The following GAREM1 variants were observed in gnomAD, a reference collection of about 807,000 sequenced individuals.
The protein encoded by GAREM1 is GRB2-associated and regulator of MAPK protein 1.
A neutral mutation model predicts 71.3 loss-of-function variants in GAREM1; 26 were observed. The observed-to-expected ratio is 0.36, with a 90% CI of 0.27 to 0.51. The LOEUF is 0.51. Among genes scored for constraint, GAREM1 ranks in the 20% least tolerant of loss-of-function variants. GAREM1 has a pLI of 0.95. For missense variants in GAREM1, 1,026 were observed against 1,103.1 expected, an observed-to-expected ratio of 0.93 and a Z score of 0.99; for synonymous variants, 440 against 433.2, an observed-to-expected ratio of 1.02 and a Z score of -0.20.
intron 1 of GAREM1, among the ~76,000 whole-genome samples, chr18:32,448,946 A>G (rs2048808405): frequency 6.6e-6 from 1 of 152,184 alleles, no homozygotes; most frequent in Non-Finnish European, 1.5e-5. Context: ...ATTTTTGCTT[A>G]CAGTGGTTCA....
At chr18:32,418,308 C>T (rs2048484064) in intron 1 of GAREM1, among the ~76,000 whole-genome samples, 1 of 152,096 alleles carries the variant, frequency 6.6e-6, no homozygotes, top group African/African-American at 2.4e-5. Context: ...CTCAGATGTC[C>T]ATGGTGTCAA....
chr18:32,337,147 A>G (rs1313041051), intron 2 of GAREM1, among the ~76,000 whole-genome samples: 1 of 152,244 alleles, frequency 6.6e-6, no homozygotes, highest in African/African-American at 2.4e-5. Flanking sequence ...GCACCTGTAT[A>G]TTCAAGGCAC....
At chr18:32,270,518 G>A (rs983332946) in intron 4 of GAREM1, 135 bp from the exon 5 acceptor site, 5 of 685,660 alleles carry the variant, frequency 7.3e-6, no homozygotes, top group African/African-American at 1.8e-5. Flanking sequence ...AGAGAAGATT[G>A]AAGTAAACAA....
chr18:32,359,694 G>C (rs1313702098), intron 2 of GAREM1, among the ~76,000 whole-genome samples: 2 of 152,122 alleles, frequency 1.3e-5, no homozygotes, highest in Admixed American at 6.5e-5. Flanking sequence ...TAGCACTTTG[G>C]GGGGCTGAGG....
intron 1 of GAREM1, among the ~76,000 whole-genome samples, chr18:32,423,702 A>T (rs1366719863): frequency 6.6e-6 from 1 of 152,248 alleles, no homozygotes; most frequent in Non-Finnish European, 1.5e-5. Flanking sequence ...AGTGAGGCGC[A>T]GAATCTTTAA....
chr18:32,283,852 A>C lies in GAREM1; in HGVS notation c.1566+3179T>G, dbSNP rs367658980. On this transcript the variant is annotated intron_variant, in intron 4 of 5. Transcript: ENST00000269209. ...CTGCAGCACAACTTGGGAGGAAGAC[A>C]CCCTTTCTTTGACTGCCATGGCACC... is the stretch of plus-strand genomic sequence containing the variant. Among the ~76,000 whole-genome samples, 70 of 152,202 alleles carry C rather than the reference A, an allele frequency of 4.6e-4. 1 individual carries two copies. Among genetic ancestry groups the C allele is most frequent in the African/African-American group, 1.6e-3 (66 of 41,548 alleles).
intron 2 of GAREM1, among the ~76,000 whole-genome samples, chr18:32,322,915 T>G (rs1300813873): frequency 1.3e-5 from 2 of 152,248 alleles, no homozygotes; most frequent in African/African-American, 2.4e-5. Context: ...GCTTCTCTGA[T>G]AGCTGAGTTT....
At chr18:32,344,832 C>T (rs559686907) in intron 2 of GAREM1, among the ~76,000 whole-genome samples, 220 of 152,206 alleles carry the variant, frequency 1.4e-3, no homozygotes, top group Non-Finnish European at 2.4e-3. Flanking sequence ...GAGGCCAAGG[C>T]GGGCAGAACA....
chr18:32,357,679 A>ATCCTTTATAAAACTGTTTTT (rs1205254564), intron 2 of GAREM1, among the ~76,000 whole-genome samples: 33 of 152,222 alleles, frequency 2.2e-4, no homozygotes, highest in African/African-American at 7.0e-4. Context: ...AAACTGTTTT[A>ATCCTTTATAAAACTGTTTTT]TCCTTTATAA....
chr18:32,322,516 T>C (rs1402625185), intron 2 of GAREM1, among the ~76,000 whole-genome samples: 2 of 152,256 alleles, frequency 1.3e-5, no homozygotes, highest in Non-Finnish European at 2.9e-5. Flanking sequence ...CCTGAAAGAA[T>C]CTTATCTTTT....
chr18:32,372,982 A>C (rs1158034657), intron 2 of GAREM1, among the ~76,000 whole-genome samples: 1 of 152,192 alleles, frequency 6.6e-6, no homozygotes, highest in African/African-American at 2.4e-5. Flanking sequence ...TCACTGCTTA[A>C]GCTAATTCTC....
At chr18:32,297,248 TCAG>T (rs2047150916) in intron 3 of GAREM1, among the ~76,000 whole-genome samples, 1 of 152,190 alleles carries the variant, frequency 6.6e-6, no homozygotes, top group Non-Finnish European at 1.5e-5. Flanking sequence ...TACAATACTA[TCAG>T]CTAAACTACA....
chr18:32,407,691 G>T (rs896545249), intron 1 of GAREM1, among the ~76,000 whole-genome samples: 14 of 152,068 alleles, frequency 9.2e-5, no homozygotes, highest in African/African-American at 2.9e-4. Context: ...GAATGTAGAT[G>T]ACATTACTAG....
chr18:32,459,525 T>C (rs1429558348), intron 1 of GAREM1, among the ~76,000 whole-genome samples: 1 of 152,170 alleles, frequency 6.6e-6, no homozygotes, highest in Non-Finnish European at 1.5e-5. Flanking sequence ...TTACTTGTTA[T>C]TTATTTTTAA....
chr18:32,373,393 T>C (rs1453284165), intron 2 of GAREM1, among the ~76,000 whole-genome samples: 2 of 152,160 alleles, frequency 1.3e-5, no homozygotes, highest in African/African-American at 2.4e-5. Context: ...AAAATTCAGA[T>C]GTTGAACCCT....
intron 1 of GAREM1, among the ~76,000 whole-genome samples, chr18:32,420,274 C>A (rs533812440): frequency 1.3e-5 from 2 of 151,886 alleles, no homozygotes; most frequent in African/African-American, 4.8e-5. Context: ...TACTTTTCAA[C>A]CCTAGACAGG....
chr18:32,293,705 C>T (rs1229744963), intron 3 of GAREM1, among the ~76,000 whole-genome samples: 2 of 152,050 alleles, frequency 1.3e-5, no homozygotes, highest in South Asian at 2.1e-4. Flanking sequence ...TTCCAGAATG[C>T]TTATTCACTG....
intron 3 of GAREM1, among the ~76,000 whole-genome samples, chr18:32,294,465 A>G (rs761632860): frequency 1.4e-4 from 22 of 152,194 alleles, no homozygotes; most frequent in Admixed American, 5.9e-4. Flanking sequence ...TGCCTTTTCC[A>G]GATAAACTTT....
At chr18:32,292,787 G>C (rs1567952327) in intron 3 of GAREM1, among the ~76,000 whole-genome samples, 1 of 152,096 alleles carries the variant, frequency 6.6e-6, no homozygotes, top group East Asian at 1.9e-4. Context: ...ACCCAATCTT[G>C]AACAGTTCTT....
Sources: allele counts gnomAD v4.1 joint callset (sites outside exome capture counted in the v4.1 genomes callset), GRCh38; gene constraint gnomAD v4.1.1; transcripts MANE v1.5; gene names NCBI Gene and HGNC (gene_info 2026-07-23, HGNC 2026-07-21).